ROBO2: variants seen among roughly 807,000 people sequenced by gnomAD.
The protein encoded by ROBO2 is roundabout guidance receptor 2, also known as roundabout homolog 2.
ROBO2 carries 53 observed loss-of-function variants against 160.8 expected under a neutral mutation model. That is an observed-to-expected ratio of 0.33 (90% CI 0.26 to 0.41). The LOEUF (loss-of-function observed/expected upper bound fraction) is 0.41. Ranked by LOEUF, ROBO2 falls within the 10% of genes least tolerant of loss-of-function variation. The pLI is 1.00. For synonymous variants in ROBO2, 664 were observed against 611.7 expected (o/e 1.09, Z -1.26); for missense variants, 1,577 against 1,722.4 (o/e 0.92, Z 1.49).
Position 77,188,949 on chromosome 3 carries a change from T to TTGTGTG in ROBO2, c.388+90624_388+90629dup, listed in dbSNP as rs369545817. On this transcript the variant is annotated intron_variant, in intron 2 of 25. Transcript: ENST00000461745. ...TTGAAGCCAGATTACTTTTGTAATCTTGTGTGTGTGTGTGTGTGTGAGAGA... is the reference window on the plus strand; with the variant it reads ...TTGAAGCCAGATTACTTTTGTAATCTTGTGTGTGTGTGTGTGTGTGTGTGTGAGAGA... Among the ~76,000 whole-genome samples, 1,155 of 142,982 alleles carry TTGTGTG rather than the reference T, an allele frequency of 8.1e-3. 29 individuals are homozygous for TTGTGTG. Among genetic ancestry groups the TTGTGTG allele is most frequent in the Admixed American group, 0.038 (537 of 14,090 alleles). 93.8% of individuals were successfully genotyped at this position (142,982 alleles called of 152,430 possible).
At position 77,602,390 on chromosome 3, in the gene ROBO2, C is replaced by A. The variant is rs759695530; in HGVS notation, c.3035C>A (p.Ala1012Asp). The change falls in exon 20 of 26, where the codon GCT (alanine) becomes GAT (aspartate). Residue 1012 changes from alanine (A) to aspartate (D), a missense_variant. Physicochemically the swap from Ala to Asp is moderately radical, Grantham distance 126 (BLOSUM62 -2). Coordinates refer to ENST00000461745, the Ensembl canonical transcript of ROBO2. ...CATTCCAACAGCATACATGAATTGG[C>A]TGTCGATCTGCCTGATCCACAATGG... 4.3e-6 allele frequency: 7 copies of A among 1,614,014 alleles called. No individual in the cohort carries two copies. The Admixed American group carries it at 8.3e-5, about 19-fold the overall frequency.
chr3:75,998,526 A>G (rs1306064948), intron 2 of ROBO2, among the ~76,000 whole-genome samples: 2 of 152,214 alleles, frequency 1.3e-5, no homozygotes, highest in Non-Finnish European at 2.9e-5. Flanking sequence ...TTCTGAGCAT[A>G]TGGCCTGCAA....
In ROBO2 at chr3:77,605,928, A is replaced by G. The variant is rs1416723442; in HGVS notation, c.3137-1870A>G. On this transcript the variant is annotated intron_variant, in intron 20 of 25. Coordinates refer to ENST00000461745, the Ensembl canonical transcript of ROBO2. ...AGGAGGTGAAACTAGAGAGAAAGCT[A>G]TGGAAGACAAGTAGCTCAGTCTGTT... is the stretch of plus-strand genomic sequence containing the variant. 6.6e-5 allele frequency among the ~76,000 whole-genome samples: 10 copies of G among 152,322 alleles called. No individual in the cohort carries two copies. In the East Asian group the frequency reaches 1.7e-3, roughly 27 times the overall value.
chr3:76,070,342 G>T (rs1297753267), intron 2 of ROBO2, among the ~76,000 whole-genome samples: 1 of 152,106 alleles, frequency 6.6e-6, no homozygotes, highest in Admixed American at 6.6e-5. Context: ...GCCCCGCTGG[G>T]CGTGGTCATC....
chr3:76,627,729 A>G (rs1368943806), intron 2 of ROBO2, among the ~76,000 whole-genome samples: 2 of 152,228 alleles, frequency 1.3e-5, no homozygotes, highest in Admixed American at 1.3e-4. Context: ...GGGAAGAGGA[A>G]TGTAATAGGA....
chr3:76,185,827 C>T (rs1428383300), intron 2 of ROBO2, among the ~76,000 whole-genome samples: 1 of 151,850 alleles, frequency 6.6e-6, no homozygotes, highest in African/African-American at 2.4e-5. Context: ...ATTAAGCAGG[C>T]AATCTATATT....
At chr3:77,640,175 G>T (rs1015800810) in intron 24 of ROBO2, among the ~76,000 whole-genome samples, 2 of 129,344 alleles carry the variant, frequency 1.5e-5, no homozygotes, top group East Asian at 2.5e-4. Context: ...ACAGTGGGGC[G>T]ATCTCGGCTC....
intron 2 of ROBO2, among the ~76,000 whole-genome samples, chr3:76,396,017 T>G (rs576102153): frequency 6.6e-6 from 1 of 151,692 alleles, no homozygotes; most frequent in Non-Finnish European, 1.5e-5. Context: ...GAGACACAAC[T>G]AAAAAAGAGA....
chr3:76,110,898 C>T (rs1371792793), intron 2 of ROBO2, among the ~76,000 whole-genome samples: 2 of 152,002 alleles, frequency 1.3e-5, no homozygotes, highest in Non-Finnish European at 2.9e-5. Context: ...AACAGGAAAA[C>T]TTTATTTTTT....
intron 2 of ROBO2, among the ~76,000 whole-genome samples, chr3:75,981,720 T>C (rs1015884181): frequency 6.6e-6 from 1 of 151,402 alleles, no homozygotes; most frequent in Non-Finnish European, 1.5e-5. Flanking sequence ...AAGTACATCA[T>C]GGAGAATGGG....
chr3:76,054,536 C>A (rs9868043), intron 2 of ROBO2, among the ~76,000 whole-genome samples: 40,675 of 152,074 alleles, frequency 0.27, 7,293 homozygotes, highest in African/African-American at 0.51. Flanking sequence ...TCCAAGTTTA[C>A]TGCCTTCTTG....
intron 2 of ROBO2, among the ~76,000 whole-genome samples, chr3:76,818,574 C>A (rs2065878707): frequency 6.6e-6 from 1 of 151,980 alleles, no homozygotes; most frequent in African/African-American, 2.4e-5. Flanking sequence ...TTTGCCTAAG[C>A]CAGTATTTAA....
intron 2 of ROBO2, among the ~76,000 whole-genome samples, chr3:75,968,415 A>G (rs1172008777): frequency 1.3e-5 from 2 of 151,494 alleles, no homozygotes; most frequent in Non-Finnish European, 1.5e-5. Flanking sequence ...TTATTTTTTC[A>G]AGTTTTGAAA....
At chr3:76,201,065 GA>G (rs745349509) in intron 2 of ROBO2, among the ~76,000 whole-genome samples, 8 of 152,078 alleles carry the variant, frequency 5.3e-5, no homozygotes, top group Non-Finnish European at 7.4e-5. Context: ...ATCAGAAAAA[GA>G]AAACAGCACA....
intron 2 of ROBO2, among the ~76,000 whole-genome samples, chr3:77,465,774 G>T (rs2082703670): frequency 6.6e-6 from 1 of 152,100 alleles, no homozygotes; most frequent in African/African-American, 2.4e-5. Flanking sequence ...AGTATCTGTT[G>T]TTTGATATCA....
chr3:77,198,932 C>T (rs773174037), intron 2 of ROBO2, among the ~76,000 whole-genome samples: 3 of 152,000 alleles, frequency 2.0e-5, no homozygotes, highest in Non-Finnish European at 4.4e-5. Context: ...AAAAGAAAGA[C>T]ATTTTATTTT....
chr3:76,698,112 C>CTATT (rs2092968734), intron 2 of ROBO2, among the ~76,000 whole-genome samples: 1 of 152,160 alleles, frequency 6.6e-6, no homozygotes, highest in African/African-American at 2.4e-5. Flanking sequence ...AGAAGCTCTT[C>CTATT]TATTTTATTC....
chr3:76,500,842 T>G (rs562416491), intron 2 of ROBO2, among the ~76,000 whole-genome samples: 16 of 152,314 alleles, frequency 1.1e-4, no homozygotes, highest in Non-Finnish European at 2.1e-4. Context: ...AAAAACAGTA[T>G]CATTTTTTAA....
chr3:76,849,224 A>G lies in ROBO2; in HGVS notation c.110-248790A>G, dbSNP rs189485613. Among the ~76,000 whole-genome samples the G allele has an allele frequency of 5.6e-3, 859 of 152,326 alleles. 5 individuals carry two copies. Among genetic ancestry groups the G allele is most frequent in the Non-Finnish European group, 8.1e-3 (554 of 68,018 alleles). ...AACTTGGAAATCTGTTGTATAGTCA[A>G]GGAAACAGCTTTTCTTAGGCATCAT... On this transcript the variant is annotated intron_variant, in intron 2 of 26. Coordinates refer to the ROBO2 transcript ENST00000487694.
Sources: allele counts gnomAD v4.1 joint callset (sites outside exome capture counted in the v4.1 genomes callset), GRCh38; gene constraint gnomAD v4.1.1; transcripts MANE v1.5; gene names NCBI Gene and HGNC (gene_info 2026-07-23, HGNC 2026-07-21).